Variants in HDAC9 observed in about 807,000 individuals in gnomAD.
The protein encoded by HDAC9 is MEF-2 interacting transcription repressor (MITR) protein.
A neutral mutation model predicts 139.4 loss-of-function variants in HDAC9; 41 were observed. The ratio of observed to expected loss-of-function variants is 0.29; its 90% CI spans 0.23 to 0.38. The LOEUF (loss-of-function observed/expected upper bound fraction) is 0.38, where lower values mean the gene tolerates loss of function less well. Among genes scored for constraint, HDAC9 ranks in the 10% least tolerant of loss-of-function variants. The pLI, the probability that HDAC9 is intolerant of heterozygous loss-of-function variation, is 1.00. For synonymous variants in HDAC9, 517 were observed against 476.2 expected, an observed-to-expected ratio of 1.09 and a Z score of -1.12; for missense variants, 1,147 against 1,297.0, an observed-to-expected ratio of 0.88 and a Z score of 1.78.
chr7:18,951,017 CAGTG>C (rs1782755483), intron 23 of HDAC9, among the ~76,000 whole-genome samples: 2 of 151,888 alleles, frequency 1.3e-5, no homozygotes, highest in Non-Finnish European at 2.9e-5. Flanking sequence ...TAAAAAAAAT[CAGTG>C]AGCTGTTTTT....
At chr7:18,227,641 G>A (rs1793151574) in intron 2 of HDAC9, among the ~76,000 whole-genome samples, 1 of 152,162 alleles carries the variant, frequency 6.6e-6, no homozygotes, top group South Asian at 2.1e-4. Context: ...GAAAGTCTTT[G>A]GCAAAGGTAA....
At chr7:18,682,781 G>T (rs1302198080) in intron 12 of HDAC9, among the ~76,000 whole-genome samples, 2 of 151,828 alleles carry the variant, frequency 1.3e-5, no homozygotes, top group South Asian at 2.1e-4. Context: ...TCAGGAGTTC[G>T]AGACCAGCCT....
At chr7:18,821,444 T>C (rs1392051613) in intron 17 of HDAC9, among the ~76,000 whole-genome samples, 1 of 152,052 alleles carries the variant, frequency 6.6e-6, no homozygotes, top group African/African-American at 2.4e-5. Flanking sequence ...CACATAGAAC[T>C]AGGAGCATAG....
chr7:18,942,692 T>G (rs972761674), intron 23 of HDAC9, among the ~76,000 whole-genome samples: 12 of 152,066 alleles, frequency 7.9e-5, no homozygotes, highest in African/African-American at 2.7e-4. Context: ...GTAAATGACT[T>G]GTGAAAGCCA....
chr7:18,723,927 A>G (rs1286039732), intron 12 of HDAC9, among the ~76,000 whole-genome samples: 1 of 152,332 alleles, frequency 6.6e-6, no homozygotes, highest in African/African-American at 2.4e-5. Context: ...ATGAGAAAAT[A>G]TATAAAATGC....
chr7:18,908,317 G>C (rs1173583285), intron 22 of HDAC9, among the ~76,000 whole-genome samples: 2 of 152,148 alleles, frequency 1.3e-5, no homozygotes, highest in South Asian at 4.2e-4. Context: ...TCTACAGTGT[G>C]TAATGATTAA....
At chr7:18,830,774 G>A (rs1383480144) in intron 19 of HDAC9, among the ~76,000 whole-genome samples, 15 of 152,088 alleles carry the variant, frequency 9.9e-5, no homozygotes, top group Admixed American at 7.9e-4. Context: ...TTCCATACAC[G>A]CCTGAGTCTC....
At chr7:18,823,168 A>T (rs976636009) in intron 17 of HDAC9, among the ~76,000 whole-genome samples, 1 of 152,158 alleles carries the variant, frequency 6.6e-6, no homozygotes, top group South Asian at 2.1e-4. Flanking sequence ...AGGATCAGGG[A>T]TGGTGGGGTA....
chr7:18,547,397 G>A (rs868275979), intron 2 of HDAC9, among the ~76,000 whole-genome samples: 5 of 152,128 alleles, frequency 3.3e-5, no homozygotes, highest in Admixed American at 6.5e-5. Flanking sequence ...AACCCCGCCC[G>A]GCTAATCTTT....
chr7:18,653,644 C>T (rs1790096705), intron 11 of HDAC9, among the ~76,000 whole-genome samples: 1 of 152,012 alleles, frequency 6.6e-6, no homozygotes, highest in African/African-American at 2.4e-5. Context: ...TAAGACAAGA[C>T]CAGTAAATGT....
intron 21 of HDAC9, among the ~76,000 whole-genome samples, chr7:18,844,224 A>T (rs1414704202): frequency 6.6e-6 from 1 of 152,186 alleles, no homozygotes; most frequent in Non-Finnish European, 1.5e-5. Context: ...GGTATTGGTT[A>T]TCTAAACATC....
intron 13 of HDAC9, among the ~76,000 whole-genome samples, chr7:18,746,016 C>G (rs1203946797): frequency 2.6e-5 from 4 of 150,996 alleles, no homozygotes; most frequent in African/African-American, 9.8e-5. Context: ...CAGCAGCAGG[C>G]ACACCACCAT....
chr7:19,001,336 T>C lies in HDAC9; in HGVS notation c.*5274T>C, dbSNP rs1170070015. On this transcript the variant is annotated 3_prime_UTR_variant, in exon 26 of 26. Transcript: ENST00000686413. The stretch of plus-strand genomic sequence containing the variant: ...GCAAATTGGAATCGTTTTATTTTTT[T>C]GTTTGGGCCTTAGGCACAATAGAAG... 1 of 152,142 alleles carries C rather than the reference T, an allele frequency of 6.6e-6. No homozygotes were observed. Among genetic ancestry groups the C allele is most frequent in the Non-Finnish European group, 1.5e-5 (1 of 67,980 alleles). 9.4% of individuals were successfully genotyped at this position (152,142 alleles called of 1,614,324 possible). A position where few individuals can be genotyped will look rare whatever the true frequency, so the allele number is the denominator to read the frequency against.
intron 2 of HDAC9, among the ~76,000 whole-genome samples, chr7:18,519,858 A>G (rs779652299): frequency 5.3e-5 from 8 of 152,190 alleles, no homozygotes; most frequent in Non-Finnish European, 1.2e-4. Context: ...ATAAGTCAAT[A>G]CATAATCCAT....
At chr7:18,146,845 C>G (rs1786375272) in intron 1 of HDAC9, among the ~76,000 whole-genome samples, 2 of 152,104 alleles carry the variant, frequency 1.3e-5, no homozygotes, top group African/African-American at 4.8e-5. Flanking sequence ...GCAGAACAGT[C>G]ATTTTTTAAT....
Position 18,540,269 on chromosome 7 carries a change from A to G in HDAC9, c.22+43945A>G, listed in dbSNP as rs201581057. On this transcript the variant is annotated intron_variant, in intron 2 of 25. Coordinates refer to ENST00000686413, the MANE Select transcript of HDAC9 (RefSeq NM_178425.4). The stretch of plus-strand genomic sequence containing the variant: ...GCCTGGGCAACAATAGTGAAACTCC[A>G]TCTCAAAAAAAAAAAAAAAAAAAAG... 6.4e-4 allele frequency among the ~76,000 whole-genome samples: 93 copies of G among 144,792 alleles called. No individual in the cohort carries two copies. The East Asian group carries it at 0.015, about 24-fold the overall frequency. 95.0% of individuals were successfully genotyped at this position (144,792 alleles called of 152,430 possible).
intron 2 of HDAC9, among the ~76,000 whole-genome samples, chr7:18,194,226 G>C (rs1790574153): frequency 1.3e-5 from 2 of 152,056 alleles, no homozygotes; most frequent in Admixed American, 1.3e-4. Flanking sequence ...TTGCATTCTT[G>C]ATTATTAGTA....
intron 1 of HDAC9, chr7:18,395,063 A>G (rs1786892953): frequency 6.6e-6 from 1 of 152,166 alleles, no homozygotes; most frequent in South Asian, 2.1e-4. Context: ...TCGTAATTTT[A>G]CAAGGTGGAT....
At chr7:18,546,832 T>C (rs1487807083) in intron 2 of HDAC9, among the ~76,000 whole-genome samples, 1 of 152,220 alleles carries the variant, frequency 6.6e-6, no homozygotes, top group Non-Finnish European at 1.5e-5. Context: ...TTTGTGGCCT[T>C]GCTTATTTGC....
Sources: gnomAD v4.1 joint callset for allele counts (sites outside exome capture counted in the v4.1 genomes callset) on GRCh38, gnomAD v4.1.1 for gene constraint, MANE v1.5 for transcripts, NCBI Gene and HGNC (gene_info 2026-07-23, HGNC 2026-07-21) for gene names.